Variants in DRAM1 observed in about 807,000 individuals in gnomAD.
The protein encoded by DRAM1 is DNA damage-regulated autophagy modulator protein 1.
In DRAM1, 25 loss-of-function variants were observed where a neutral mutation model predicts 28.5. The observed-to-expected ratio is 0.88, with a 90% CI of 0.64 to 1.23. DRAM1 has a LOEUF of 1.23. Among genes scored for constraint, DRAM1 ranks in the 50% most tolerant of loss-of-function variants. The probability of loss-of-function intolerance (pLI) is 0.00; values close to 1 mark genes in which losing one functional copy is unlikely to be tolerated. For synonymous variants in DRAM1, 113 were observed against 114.2 expected, an observed-to-expected ratio of 0.99 and a Z score of 0.07; for missense variants, 249 against 299.2, an observed-to-expected ratio of 0.83 and a Z score of 1.24.
intron 1 of DRAM1, among the ~76,000 whole-genome samples, chr12:101,895,430 G>A (rs910327265): frequency 2.0e-5 from 3 of 150,632 alleles, no homozygotes; most frequent in Admixed American, 6.6e-5. Flanking sequence ...TTCCCGCCTC[G>A]GCCCACAGAA....
intron 5 of DRAM1, among the ~76,000 whole-genome samples, chr12:101,918,827 C>T (rs1304244205): frequency 6.6e-6 from 1 of 152,240 alleles, no homozygotes; most frequent in African/African-American, 2.4e-5. Context: ...AGAGGGGGCA[C>T]ACTGACAGTC....
intron 2 of DRAM1, among the ~76,000 whole-genome samples, chr12:101,900,536 C>G (rs1261341087): frequency 6.6e-6 from 1 of 152,150 alleles, no homozygotes; most frequent in Non-Finnish European, 1.5e-5. Flanking sequence ...TGTAAACATG[C>G]ATTTCTCAGA....
rs1381127244 is a variant in DRAM1 at position 101,922,423 on chromosome 12, A to G, written c.*1163A>G. ...CTCTCTTTCAAATCCTAGAGCATAAACCCATGTGTGGCCAAGTGAGATCAG... is the reference window on the plus strand; with the variant it reads ...CTCTCTTTCAAATCCTAGAGCATAAGCCCATGTGTGGCCAAGTGAGATCAG... On this transcript the variant is annotated 3_prime_UTR_variant, in exon 7 of 7. Coordinates refer to ENST00000258534, the MANE Select transcript of DRAM1 (RefSeq NM_018370.3). 1 of 152,386 alleles carries G rather than the reference A, an allele frequency of 6.6e-6. No homozygotes were observed. Among genetic ancestry groups the G allele is most frequent in the East Asian group, 1.9e-4 (1 of 5,192 alleles). The allele number at this position is 152,386 out of a possible 1,614,324, so 9.4% of individuals were successfully genotyped here. A position where few individuals can be genotyped will look rare whatever the true frequency, so the allele number is the denominator to read the frequency against.
At chr12:101,901,158 A>C in intron 2 of DRAM1, 133 bp from the exon 3 acceptor site, 1 of 781,682 alleles carries the variant, frequency 1.3e-6, no homozygotes, top group East Asian at 2.8e-5. Context: ...AGATGGAGTC[A>C]GGAGGGACAG....
chr12:101,918,519 C>T (rs1874343616), intron 5 of DRAM1, among the ~76,000 whole-genome samples: 1 of 152,220 alleles, frequency 6.6e-6, no homozygotes, highest in East Asian at 1.9e-4. Flanking sequence ...GTGAGTGTGA[C>T]CATGACAAGG....
rs1874551727 is a variant in DRAM1, at chr12:101,923,231, T to C, written c.*1971T>C. On this transcript the variant is annotated 3_prime_UTR_variant, in exon 7 of 7. Transcript: ENST00000258534. ...TGAAAGCTATGTCAAGCATTCATTA[T>C]TCTGAAGAGGAGGAGAAATGCCACA... 1 of 152,266 alleles carries C rather than the reference T, an allele frequency of 6.6e-6. No individual in the cohort carries two copies. The highest frequency in any genetic ancestry group is 2.4e-5 in the African/African-American group (1 of 41,474). 9.4% of individuals were successfully genotyped at this position (152,266 alleles called of 1,614,324 possible). A position where few individuals can be genotyped will look rare whatever the true frequency, so the allele number is the denominator to read the frequency against.
At chr12:101,899,699 AAG>A (rs1236455166) in intron 2 of DRAM1, among the ~76,000 whole-genome samples, 89 of 151,014 alleles carry the variant, frequency 5.9e-4, no homozygotes, top group Admixed American at 4.1e-3. Flanking sequence ...AAAAAAAAAA[AAG>A]ATTTATGATA....
At chr12:101,894,627 G>A (rs1411641604) in intron 1 of DRAM1, among the ~76,000 whole-genome samples, 4 of 152,210 alleles carry the variant, frequency 2.6e-5, no homozygotes, top group Admixed American at 6.5e-5. Context: ...TTCAGATCAC[G>A]TGTTTGATGT....
At chr12:101,902,248 T>A (rs1206295734) in intron 3 of DRAM1, among the ~76,000 whole-genome samples, 2 of 152,210 alleles carry the variant, frequency 1.3e-5, no homozygotes, top group Non-Finnish European at 2.9e-5. Context: ...CATACAATTA[T>A]AATAAAAGCC....
At chr12:101,906,972 G>T (rs1404468547) in intron 3 of DRAM1, among the ~76,000 whole-genome samples, 1 of 151,872 alleles carries the variant, frequency 6.6e-6, no homozygotes, top group Admixed American at 6.6e-5. Flanking sequence ...TGGCACAGGG[G>T]CTGCCTTCTG....
chr12:101,902,758 A>G (rs1420840453), intron 3 of DRAM1, among the ~76,000 whole-genome samples: 1 of 152,194 alleles, frequency 6.6e-6, no homozygotes, highest in African/African-American at 2.4e-5. Context: ...CTTCCCAAGG[A>G]GCAAAGTGTT....
chr12:101,915,844 A>G (rs189825565), intron 5 of DRAM1, among the ~76,000 whole-genome samples: 81 of 152,190 alleles, frequency 5.3e-4, no homozygotes, highest in South Asian at 8.3e-4. Context: ...ACAGGCGTGA[A>G]CCACCACGCC....
intron 4 of DRAM1, 28 bp from the exon 5 acceptor site, chr12:101,914,145 TA>T (rs774935938): frequency 6.6e-7 from 1 of 1,525,860 alleles, no homozygotes; most frequent in South Asian, 1.2e-5. Context: ...TTGTGTGCTG[TA>T]GTTTCCTTAA....
chr12:101,922,749 G>A lies in DRAM1; in HGVS notation c.*1489G>A, dbSNP rs1458173438. The A allele has an allele frequency of 6.6e-6, 1 of 152,150 alleles. No homozygotes were observed. Among genetic ancestry groups the A allele is most frequent in the Non-Finnish European group, 1.5e-5 (1 of 68,028 alleles). 9.4% of individuals were successfully genotyped at this position (152,150 alleles called of 1,614,324 possible). ...GCTTTCTTTAAGACGCATCATAAAT[G>A]GTTTTCTTTAAGTGAATGGAAGAGT... is the stretch of plus-strand genomic sequence containing the variant. On this transcript the variant is annotated 3_prime_UTR_variant, in exon 7 of 7. Coordinates refer to ENST00000258534, the MANE Select transcript of DRAM1 (RefSeq NM_018370.3).
Position 101,921,342 on chromosome 12 carries a change from C to A in DRAM1, c.*82C>A. 1 of 1,103,044 alleles carries A rather than the reference C, an allele frequency of 9.1e-7. No individual in the cohort carries two copies. The highest frequency in any genetic ancestry group is 1.4e-6 in the Non-Finnish European group (1 of 719,546). 68.3% of individuals were successfully genotyped at this position (1,103,044 alleles called of 1,614,324 possible). On this transcript the variant is annotated 3_prime_UTR_variant, in exon 7 of 7. Transcript: ENST00000258534. ...ACAGAGGACAGACAGGGTTTTGAGG[C>A]CACCCTGATTATTGGGATGCATCTG... is the stretch of plus-strand genomic sequence containing the variant.
chr12:101,893,218 G>T (rs529516333), intron 1 of DRAM1, among the ~76,000 whole-genome samples: 146 of 152,328 alleles, frequency 9.6e-4, no homozygotes, highest in African/African-American at 3.4e-3. Flanking sequence ...CCCGTGGTGT[G>T]CTGGAGCTAG....
In DRAM1 at chr12:101,897,873, A is replaced by C; in HGVS notation, c.142A>C (p.Thr48Pro). Residue 48 changes from threonine to proline, a missense_variant, in exon 2 of 7, where the codon ACA (threonine) becomes CCA (proline). Thr to Pro is a conservative substitution (Grantham distance 38). Coordinates refer to ENST00000258534, the MANE Select transcript of DRAM1 (RefSeq NM_018370.3). ...TCTTCCCTTTGCCAGTGATACGGGA[A>C]CAACACCTCCAGAGAGTGGTATTTT... The part of the protein sequence containing the change: ...PFLPYISDTG[T>P]TPPESGIFGF... The C allele has an allele frequency of 6.2e-7, 1 of 1,610,870 alleles. No individual in the cohort carries two copies. Among genetic ancestry groups the C allele is most frequent in the Non-Finnish European group, 8.5e-7 (1 of 1,177,412 alleles).
intron 4 of DRAM1, among the ~76,000 whole-genome samples, chr12:101,911,600 C>T (rs1390144363): frequency 6.6e-6 from 1 of 152,118 alleles, no homozygotes; most frequent in Non-Finnish European, 1.5e-5. Flanking sequence ...CTTTGTCTTG[C>T]TAGAGCTGTT....
chr12:101,907,802 A>C (rs1171495368), intron 3 of DRAM1, among the ~76,000 whole-genome samples: 1 of 152,200 alleles, frequency 6.6e-6, no homozygotes, highest in Non-Finnish European at 1.5e-5. Context: ...CTTCACTGCA[A>C]ACATGCAAGA....
Sources: gnomAD v4.1 joint callset for allele counts (sites outside exome capture counted in the v4.1 genomes callset) on GRCh38, gnomAD v4.1.1 for gene constraint, MANE v1.5 for transcripts, NCBI Gene and HGNC (gene_info 2026-07-23, HGNC 2026-07-21) for gene names.